Variants in CMTM8 observed in about 807,000 individuals in gnomAD.
CMTM8 encodes the protein CKLF-like MARVEL transmembrane domain-containing protein 8.
A neutral mutation model predicts 18.6 loss-of-function variants in CMTM8; 12 were observed. The ratio of observed to expected loss-of-function variants is 0.65; its 90% confidence interval spans 0.41 to 1.05. The LOEUF is 1.05. Ranked by LOEUF, CMTM8 falls within the 50% of genes least tolerant of loss-of-function variation. The pLI is 0.00. For synonymous variants in CMTM8, 87 were observed against 90.6 expected, an observed-to-expected ratio of 0.96 and a Z score of 0.23; for missense variants, 217 against 227.2, an observed-to-expected ratio of 0.95 and a Z score of 0.29.
At chr3:32,338,662 C>G (rs1696435576) in intron 1 of CMTM8, among the ~76,000 whole-genome samples, 1 of 152,216 alleles carries the variant, frequency 6.6e-6, no homozygotes, top group Non-Finnish European at 1.5e-5. Context: ...ACCTAACACA[C>G]TACCTATTGT....
intron 1 of CMTM8, among the ~76,000 whole-genome samples, chr3:32,347,859 T>C (rs1187358376): frequency 6.6e-6 from 1 of 152,148 alleles, no homozygotes; most frequent in Non-Finnish European, 1.5e-5. Flanking sequence ...ACATCAGGCA[T>C]GGTGATGAGA....
intron 1 of CMTM8, among the ~76,000 whole-genome samples, chr3:32,320,212 T>C (rs1458442953): frequency 1.3e-5 from 2 of 152,204 alleles, no homozygotes; most frequent in African/African-American, 4.8e-5. Context: ...ATAGCCAAAA[T>C]GTGGAAACAA....
At chr3:32,332,514 G>C (rs186876804) in intron 1 of CMTM8, among the ~76,000 whole-genome samples, 26 of 152,158 alleles carry the variant, frequency 1.7e-4, no homozygotes, top group Non-Finnish European at 3.2e-4. Flanking sequence ...GAGGCGATGG[G>C]AAAGGAGATC....
At chr3:32,332,344 G>T (rs3887277) in intron 1 of CMTM8, among the ~76,000 whole-genome samples, 10,064 of 152,224 alleles carry the variant, frequency 0.066, 634 homozygotes, top group East Asian at 0.27. Flanking sequence ...GCGTAGATAA[G>T]GAGGGTGACC....
chr3:32,248,134 C>G (rs1007451215), intron 1 of CMTM8, among the ~76,000 whole-genome samples: 1 of 152,134 alleles, frequency 6.6e-6, no homozygotes, highest in Non-Finnish European at 1.5e-5. Flanking sequence ...ATAGGTACTT[C>G]GTGTTCATGT....
intron 1 of CMTM8, among the ~76,000 whole-genome samples, chr3:32,307,827 C>T (rs1485195384): frequency 1.3e-5 from 2 of 152,124 alleles, no homozygotes; most frequent in Non-Finnish European, 2.9e-5. Context: ...AACAAGCTTC[C>T]AGGTGACGTT....
chr3:32,335,389 G>C (rs1015484542), intron 1 of CMTM8, among the ~76,000 whole-genome samples: 3 of 152,224 alleles, frequency 2.0e-5, no homozygotes, highest in Non-Finnish European at 4.4e-5. Context: ...TAGGTGGTGG[G>C]TGGTGGAACT....
rs570857573 is a variant in CMTM8 at position 32,326,547 on chromosome 3, C to T, written c.148-30826C>T. On this transcript the variant is annotated intron_variant, in intron 1 of 3. Coordinates refer to ENST00000307526, the MANE Select transcript of CMTM8 (RefSeq NM_178868.5). ...TTTTTTTTTTTTTTTGACAGAGTCT[C>T]GCTCTGTCGCCCAGGCTGGAGTGCA... is the stretch of plus-strand genomic sequence containing the variant. 1.7e-4 allele frequency among the ~76,000 whole-genome samples: 24 copies of T among 140,820 alleles called. No individual in the cohort carries two copies. In the East Asian group the frequency reaches 1.9e-3, roughly 11 times the overall value. The allele number at this position is 140,820 out of a possible 152,430, so 92.4% of individuals were successfully genotyped here. A position where few individuals can be genotyped will look rare whatever the true frequency, so the allele number is the denominator to read the frequency against.
chr3:32,275,297 T>C (rs1477460348), intron 1 of CMTM8, among the ~76,000 whole-genome samples: 2 of 152,028 alleles, frequency 1.3e-5, no homozygotes, highest in African/African-American at 2.4e-5. Context: ...TTCTGCAAGC[T>C]AAATGTGATC....
chr3:32,252,223 A>T (rs1189594922), intron 1 of CMTM8, among the ~76,000 whole-genome samples: 1 of 152,240 alleles, frequency 6.6e-6, no homozygotes, highest in African/African-American at 2.4e-5. Context: ...ATTTCCTTAT[A>T]TGCAGAACTA....
intron 1 of CMTM8, among the ~76,000 whole-genome samples, chr3:32,353,681 C>G (rs142963782): frequency 1.4e-3 from 211 of 152,074 alleles, no homozygotes; most frequent in African/African-American, 4.9e-3. Context: ...AGGAAAGAGG[C>G]CAGAAAGGGT....
chr3:32,367,247 C>G (rs76338405), intron 2 of CMTM8, among the ~76,000 whole-genome samples: 1 of 152,134 alleles, frequency 6.6e-6, no homozygotes, highest in Admixed American at 6.5e-5. Context: ...TTAGACATAA[C>G]TGAAAACCAA....
chr3:32,325,754 C>A (rs1575177486), intron 1 of CMTM8, among the ~76,000 whole-genome samples: 1 of 152,166 alleles, frequency 6.6e-6, no homozygotes, highest in African/African-American at 2.4e-5. Context: ...TACCTATCTC[C>A]CACATTTTTG....
intron 1 of CMTM8, among the ~76,000 whole-genome samples, chr3:32,297,046 G>C (rs1702892928): frequency 2.0e-5 from 3 of 152,142 alleles, no homozygotes; most frequent in African/African-American, 7.2e-5. Context: ...TGAACAGAGA[G>C]AAAAACATCC....
chr3:32,285,259 A>G (rs1702661108), intron 1 of CMTM8, among the ~76,000 whole-genome samples: 1 of 152,210 alleles, frequency 6.6e-6, no homozygotes, highest in Non-Finnish European at 1.5e-5. Flanking sequence ...TCACGCCCGT[A>G]ATCTCAGCAC....
At chr3:32,361,354 T>C (rs60260674) in intron 2 of CMTM8, among the ~76,000 whole-genome samples, 35 of 149,030 alleles carry the variant, frequency 2.3e-4, no homozygotes, top group African/African-American at 8.6e-4. Context: ...ATATGTGACA[T>C]GTACCCCTGA....
At chr3:32,299,348 G>C (rs996837203) in intron 1 of CMTM8, among the ~76,000 whole-genome samples, 2 of 152,084 alleles carry the variant, frequency 1.3e-5, no homozygotes, top group African/African-American at 4.8e-5. Flanking sequence ...TGAAGTACTT[G>C]GTTTAACCAT....
intron 1 of CMTM8, among the ~76,000 whole-genome samples, chr3:32,350,934 C>T (rs1696696382): frequency 6.6e-6 from 1 of 152,200 alleles, no homozygotes; most frequent in Non-Finnish European, 1.5e-5. Flanking sequence ...GCTGGAATTA[C>T]AGGTGTGAGC....
At chr3:32,344,704 G>A (rs112384192) in intron 1 of CMTM8, among the ~76,000 whole-genome samples, 2,056 of 152,212 alleles carry the variant, frequency 0.014, 36 homozygotes, top group African/African-American at 0.047. Context: ...AAGTCAGCCC[G>A]GGCAACATAG....
Sources: allele counts gnomAD v4.1 joint callset (sites outside exome capture counted in the v4.1 genomes callset), GRCh38; gene constraint gnomAD v4.1.1; transcripts MANE v1.5; gene names NCBI Gene and HGNC (gene_info 2026-07-23, HGNC 2026-07-21).